Variants in MMEL1 observed in about 807,000 individuals in gnomAD.
MMEL1 encodes the protein membrane metallo-endopeptidase-like 1.
MMEL1 carries 98 observed loss-of-function variants against 117.1 expected under a neutral mutation model. The observed-to-expected ratio is 0.84, with a 90% CI of 0.71 to 0.99. The LOEUF is 0.99. Among genes scored for constraint, MMEL1 ranks in the 50% least tolerant of loss-of-function variants. The probability of loss-of-function intolerance (pLI) is 0.00; values close to 1 mark genes in which losing one functional copy is unlikely to be tolerated. For synonymous variants in MMEL1, 390 were observed against 415.1 expected (o/e 0.94, Z 0.74); for missense variants, 1,014 against 1,049.1 (o/e 0.97, Z 0.46).
intron 2 of MMEL1, among the ~76,000 whole-genome samples, chr1:2,628,270 G>A (rs1030564698): frequency 6.6e-6 from 1 of 152,230 alleles, no homozygotes; most frequent in Non-Finnish European, 1.5e-5. Context: ...ACACTGTACA[G>A]TGGCCAGCCA....
In MMEL1 at chr1:2,596,671, C is replaced by T. The variant is rs1168152417; in HGVS notation, c.1291G>A (p.Val431Met). Residue 431 changes from valine (V) to methionine (M), a missense_variant, in exon 14 of 24, where the codon GTG (valine) becomes ATG (methionine). By Grantham distance (21) the Val-to-Met change is conservative (BLOSUM62 1). Coordinates refer to ENST00000378412, the MANE Select transcript of MMEL1 (RefSeq NM_033467.4). ...CATTCACGCCAGCGCACCTCCTCCA[C>T]CATTGTGCCAAACAGCGCCTGGTGG... is the stretch of plus-strand genomic sequence containing the variant. ...NYRKALFGTM[V>M]EEVRWRECVG... The T allele has an allele frequency of 3.1e-6, 5 of 1,612,768 alleles. No homozygotes were observed. Among genetic ancestry groups the T allele is most frequent in the Non-Finnish European group, 4.2e-6 (5 of 1,179,828 alleles).
chr1:2,604,053 G>A (rs1355611373), intron 10 of MMEL1, 80 bp from the exon 11 acceptor site: 17 of 1,579,546 alleles, frequency 1.1e-5, no homozygotes, highest in South Asian at 4.6e-5. Context: ...GCCTGCTACC[G>A]GCCCACCCAG....
chr1:2,595,712 C>A lies in MMEL1; in HGVS notation c.1500+297G>T, dbSNP rs1053065212. ...GGTCTGACCCTTGCTCCCGAGGCCA[C>A]CGCTACCCCCGCTGGCTCATGGGGG... is the stretch of plus-strand genomic sequence containing the variant. On this transcript the variant is annotated intron_variant, in intron 15 of 23. Transcript: ENST00000378412. This position sits in a 1 kb window ranked among gnomAD's most constrained non-coding sequence, Gnocchi z 4.8. Among the ~76,000 whole-genome samples, 1 of 152,120 alleles carries A rather than the reference C, an allele frequency of 6.6e-6. No homozygotes were observed. The highest frequency in any genetic ancestry group is 1.5e-5 in the Non-Finnish European group (1 of 68,016).
Position 2,629,331 on chromosome 1 carries a change from C to G in MMEL1, c.154G>C (p.Gly52Arg). The change falls in exon 2 of 24, where the codon GGG (glycine) becomes CGG (arginine). Residue 52 changes from glycine to arginine, a missense_variant and splice_region_variant. Gly to Arg is a moderately radical substitution (Grantham distance 125). Coordinates refer to ENST00000378412, the MANE Select transcript of MMEL1 (RefSeq NM_033467.4). ...GCGGGGGCGGGGCACCCGCACTCAC[C>G]TCTGCGGTCGGCGTAGAGGACACCC... is the stretch of plus-strand genomic sequence containing the variant. ...ALGVLYADRR[G>R]KQLPRLASRL... is the part of the protein sequence containing the mutation. 6.5e-7 allele frequency: 1 copy of G among 1,536,454 alleles called. No individual in the cohort carries two copies. The highest frequency in any genetic ancestry group is 8.7e-7 in the Non-Finnish European group (1 of 1,143,960).
In MMEL1 at chr1:2,595,802, G is replaced by A. The variant is rs549927661; in HGVS notation, c.1500+207C>T. On this transcript the variant is annotated intron_variant, in intron 15 of 23. Transcript: ENST00000378412. The surrounding 1 kb of genome is among the most constrained non-coding windows in gnomAD (Gnocchi z 4.8). ...GCTTTTCCTCAGCTCCACAGTGGGC[G>A]AGTGGTCCTGTCTGCGCCTCCCGGG... Among the ~76,000 whole-genome samples, 5 of 152,152 alleles carry A rather than the reference G, an allele frequency of 3.3e-5. No individual in the cohort carries two copies. The highest frequency in any genetic ancestry group is 4.8e-5 in the African/African-American group (2 of 41,506).
chr1:2,603,534 G>C (rs1455796413), intron 11 of MMEL1, among the ~76,000 whole-genome samples: 1 of 152,160 alleles, frequency 6.6e-6, no homozygotes, highest in Non-Finnish European at 1.5e-5. Context: ...TTCTGAGCGG[G>C]ACTTGGGGTC....
chr1:2,617,238 T>C lies in MMEL1; in HGVS notation c.155-5034A>G, dbSNP rs1645215315. Among the ~76,000 whole-genome samples, 3 of 151,946 alleles carry C rather than the reference T, an allele frequency of 2.0e-5. No individual in the cohort carries two copies. In the East Asian group the frequency reaches 5.8e-4, roughly 29 times the overall value. Reference sequence around the variant, plus strand: ...GTCAGGAGATCGAGACCATCCCGGCTAACACGGTGAAACCCCGTCTCTACT... The same window carrying C: ...GTCAGGAGATCGAGACCATCCCGGCCAACACGGTGAAACCCCGTCTCTACT... On this transcript the variant is annotated intron_variant, in intron 2 of 23. Coordinates refer to ENST00000378412, the MANE Select transcript of MMEL1 (RefSeq NM_033467.4).
intron 5 of MMEL1, 107 bp from the exon 6 acceptor site, chr1:2,609,526 G>A: frequency 1.3e-6 from 2 of 1,512,196 alleles, no homozygotes; most frequent in Non-Finnish European, 1.8e-6. Context: ...CCCCCCAGCT[G>A]CTGGGTCTTT....
In MMEL1 at chr1:2,593,859, C is replaced by A; in HGVS notation, c.1822G>T (p.Gly608Trp). Reference sequence around the variant, plus strand: ...GTGATCTCGTGCCCGATCACCATCCCAATGCCTCCAAAGTTCAAGGCCTGT... The same window carrying A: ...GTGATCTCGTGCCCGATCACCATCCAAATGCCTCCAAAGTTCAAGGCCTGT... ...QPQALNFGGI[G>W]MVIGHEITHG... The change falls in exon 19 of 24, where the codon GGG becomes TGG. Residue 608 changes from glycine (G) to tryptophan (W), a missense_variant. Gly to Trp is a radical substitution (Grantham distance 184). Transcript: ENST00000378412. The A allele has an allele frequency of 6.2e-7, 1 of 1,612,764 alleles. No homozygotes were observed.
In MMEL1 at chr1:2,596,586, G is replaced by T; in HGVS notation, c.1376C>A (p.Ala459Glu). The T allele has an allele frequency of 6.2e-7, 1 of 1,611,868 alleles. No individual in the cohort carries two copies. The highest frequency in any genetic ancestry group is 8.5e-7 in the Non-Finnish European group (1 of 1,179,778). Reference sequence around the variant, plus strand: ...CATGCTCTTGCTGTCTCCAGGGAACGCCTCCCTGACGTAGAGGGAGCCCAC... The same window carrying T: ...CATGCTCTTGCTGTCTCCAGGGAACTCCTCCCTGACGTAGAGGGAGCCCAC... ...NAVGSLYVRE[A>E]FPGDSKSMVR... The change falls in exon 14 of 24, where the codon GCG becomes GAG. Residue 459 changes from alanine (A) to glutamate (E), a missense_variant. By Grantham distance (107) the Ala-to-Glu change is moderately radical (BLOSUM62 -1). Coordinates refer to ENST00000378412, the MANE Select transcript of MMEL1 (RefSeq NM_033467.4).
intron 22 of MMEL1, 117 bp from the exon 23 acceptor site, chr1:2,591,750 C>A: frequency 9.6e-7 from 1 of 1,043,968 alleles, no homozygotes; most frequent in East Asian, 2.4e-5. Context: ...GGGGAGTCAG[C>A]AGGTGCTCCC....
At chr1:2,615,787 CAGA>C (rs1464833546) in intron 2 of MMEL1, among the ~76,000 whole-genome samples, 1 of 152,084 alleles carries the variant, frequency 6.6e-6, no homozygotes, top group East Asian at 1.9e-4. Flanking sequence ...GAAACCTGAA[CAGA>C]AGATCTCAGA....
intron 19 of MMEL1, 103 bp from the exon 20 acceptor site, chr1:2,593,069 G>T: frequency 2.1e-6 from 3 of 1,445,630 alleles, no homozygotes; most frequent in Non-Finnish European, 2.8e-6. Flanking sequence ...CCTGCAGCCA[G>T]CCCCAGTACG....
intron 9 of MMEL1, among the ~76,000 whole-genome samples, chr1:2,605,339 C>T (rs1178781519): frequency 6.6e-6 from 1 of 152,142 alleles, no homozygotes; most frequent in Non-Finnish European, 1.5e-5. Context: ...CTGAGCTTGT[C>T]CCCAGGCCTG....
chr1:2,628,048 G>A (rs1350616420), intron 2 of MMEL1, among the ~76,000 whole-genome samples: 7 of 152,244 alleles, frequency 4.6e-5, no homozygotes, highest in African/African-American at 1.7e-4. Context: ...CACAGCTGGG[G>A]GTGTGTGTGG....
Position 2,595,935 on chromosome 1 carries a change from G to A in MMEL1, c.1500+74C>T. 7.5e-7 allele frequency: 1 copy of A among 1,341,684 alleles called. No homozygotes were observed. The highest frequency in any genetic ancestry group is 1.1e-6 in the Non-Finnish European group (1 of 939,982). The allele number at this position is 1,341,684 out of a possible 1,614,324, so 83.1% of individuals were successfully genotyped here. On this transcript the variant is annotated intron_variant, in intron 15 of 23. Transcript: ENST00000378412. This position sits in a 1 kb window ranked among gnomAD's most constrained non-coding sequence, Gnocchi z 4.8. ...TGCCTTCTCCCCGTGGGGACCGTCA[G>A]GAGGCTTTGTCGGGGCGGTGCTGCC...
At position 2,594,208 on chromosome 1, in the gene MMEL1, C is replaced by T. The variant is rs921000207; in HGVS notation, c.1747+177G>A. The T allele has an allele frequency of 3.8e-5, 31 of 823,370 alleles. 1 individual carries two copies. The highest frequency in any genetic ancestry group is 6.4e-4 in the Middle Eastern group (2 of 3,146). The allele number at this position is 823,370 out of a possible 1,614,324, so 51.0% of individuals were successfully genotyped here. A position where few individuals can be genotyped will look rare whatever the true frequency, so the allele number is the denominator to read the frequency against. ...CCGCCTGCCAAGTCCCTCCCGAAGC[C>T]GCTCATGGGCACGGGAGTGAGTGTT... is the stretch of plus-strand genomic sequence containing the variant. On this transcript the variant is annotated intron_variant, in intron 18 of 23. Transcript: ENST00000378412.
At chr1:2,593,057 C>T (rs933502261) in intron 19 of MMEL1, 91 bp from the exon 20 acceptor site, 11 of 1,505,584 alleles carry the variant, frequency 7.3e-6, no homozygotes, top group Non-Finnish European at 9.9e-6. Flanking sequence ...GCTCCTGCCC[C>T]TCCTGCAGCC....
chr1:2,604,130 CG>C lies in MMEL1; in HGVS notation c.951+16del. 4.6e-5 allele frequency: 70 copies of C among 1,507,792 alleles called. No individual in the cohort carries two copies. The highest frequency in any genetic ancestry group is 1.8e-4 in the Middle Eastern group (1 of 5,488). The allele number at this position is 1,507,792 out of a possible 1,614,324, so 93.4% of individuals were successfully genotyped here. On this transcript the variant is annotated intron_variant, in intron 10 of 23. Coordinates refer to ENST00000378412, the MANE Select transcript of MMEL1 (RefSeq NM_033467.4). Reference sequence around the variant, plus strand: ...GCCCACTCGCTGCCCGCTCCCCACCCGCCCCGGCCCCCTTACCTTGGCCAGC... The same window carrying C: ...GCCCACTCGCTGCCCGCTCCCCACCCCCCCGGCCCCCTTACCTTGGCCAGC...
Sources: gnomAD v4.1 joint callset for allele counts (sites outside exome capture counted in the v4.1 genomes callset) on GRCh38, gnomAD v4.1.1 for gene constraint, Gnocchi (gnomAD v3.1) non-coding constraint, MANE v1.5 for transcripts, NCBI Gene and HGNC (gene_info 2026-07-23, HGNC 2026-07-21) for gene names.